The following CRYM variants were observed in gnomAD, a reference collection of about 807,000 sequenced individuals.
The protein encoded by CRYM is ketimine reductase mu-crystallin.
A neutral mutation model predicts 32.9 loss-of-function variants in CRYM; 18 were observed. That is an observed-to-expected ratio of 0.55 (90% CI 0.38 to 0.81). The LOEUF is 0.81. CRYM is among the 30% of genes least tolerant of loss of function. CRYM has a pLI of 0.00. For synonymous variants in CRYM, 153 were observed against 152.4 expected, an observed-to-expected ratio of 1.00 and a Z score of -0.03; for missense variants, 337 against 393.5, an observed-to-expected ratio of 0.86 and a Z score of 1.21.
At chr16:21,288,771 G>GT (rs1567239459) in intron 1 of CRYM, among the ~76,000 whole-genome samples, 1 of 151,980 alleles carries the variant, frequency 6.6e-6, no homozygotes. Flanking sequence ...TTTCTTATAA[G>GT]TTTTGGTATA....
chr16:21,276,554 C>T (rs1013356511), intron 2 of CRYM, among the ~76,000 whole-genome samples: 8 of 152,122 alleles, frequency 5.3e-5, no homozygotes, highest in Non-Finnish European at 8.8e-5. Context: ...GATGTGTGAC[C>T]TCAAGCAAAG....
chr16:21,296,130 G>C (rs1407467296), intron 1 of CRYM, among the ~76,000 whole-genome samples: 1 of 152,116 alleles, frequency 6.6e-6, no homozygotes, highest in Non-Finnish European at 1.5e-5. Flanking sequence ...TAGAGACAGG[G>C]TTTCACCATA....
Position 21,277,940 on chromosome 16 carries a change from C to G in CRYM, c.170+142G>C, listed in dbSNP as rs990093673. On this transcript the variant is annotated intron_variant, in intron 1 of 7. Transcript: ENST00000572914. This position sits in a 1 kb window ranked among gnomAD's most constrained non-coding sequence, Gnocchi z 4.2. ...CCTGTAAAACGCCCACTTAGCACAC[C>G]GGGTAGCGCCTATTAAAAGTGGCAG... The G allele has an allele frequency of 5.2e-6, 5 of 963,298 alleles. No homozygotes were observed. Among genetic ancestry groups the G allele is most frequent in the Non-Finnish European group, 7.6e-6 (5 of 660,972 alleles). The allele number at this position is 963,298 out of a possible 1,614,324, so 59.7% of individuals were successfully genotyped here. A position where few individuals can be genotyped will look rare whatever the true frequency, so the allele number is the denominator to read the frequency against.
chr16:21,269,670 G>A, intron 4 of CRYM, 120 bp downstream of exon 4: 1 of 694,276 alleles, frequency 1.4e-6, no homozygotes, highest in South Asian at 1.8e-5. Context: ...ATACAAGAAT[G>A]GTCTAGATGG....
chr16:21,281,751 A>G (rs117525955), upstream of CRYM, among the ~76,000 whole-genome samples: 2,522 of 152,284 alleles, frequency 0.017, 92 homozygotes, highest in East Asian at 0.08. Context: ...TTGACGTATC[A>G]GGCTGAATTG....
chr16:21,262,426 T>G (rs1270417822), intron 5 of CRYM: 3 of 387,958 alleles, frequency 7.7e-6, no homozygotes, highest in Non-Finnish European at 1.5e-5. Flanking sequence ...GAGACTAGCC[T>G]GGCCAACATG....
At chr16:21,268,944 G>A (rs1197351022) in intron 4 of CRYM, among the ~76,000 whole-genome samples, 1 of 152,060 alleles carries the variant, frequency 6.6e-6, no homozygotes, top group Non-Finnish European at 1.5e-5. Flanking sequence ...AGAAGTTCCA[G>A]ACTAGCCTGG....
At chr16:21,266,498 A>C (rs2093363981) in intron 5 of CRYM, among the ~76,000 whole-genome samples, 1 of 152,168 alleles carries the variant, frequency 6.6e-6, no homozygotes, top group African/African-American at 2.4e-5. Flanking sequence ...CAGAGGCCCC[A>C]GGCACCCTCA....
chr16:21,291,702 C>T (rs1158439179), intron 1 of CRYM, among the ~76,000 whole-genome samples: 2 of 152,052 alleles, frequency 1.3e-5, no homozygotes, highest in African/African-American at 4.8e-5. Flanking sequence ...GCTTATTTGC[C>T]ACATGTGTAT....
At chr16:21,276,381 G>C (rs925105578) in intron 2 of CRYM, among the ~76,000 whole-genome samples, 5 of 152,180 alleles carry the variant, frequency 3.3e-5, no homozygotes, top group African/African-American at 1.2e-4. Flanking sequence ...GTGTAAGTTG[G>C]GGAAAGCTAG....
intron 4 of CRYM, among the ~76,000 whole-genome samples, chr16:21,268,154 C>T (rs1196273066): frequency 1.3e-5 from 2 of 152,180 alleles, no homozygotes; most frequent in African/African-American, 4.8e-5. Flanking sequence ...GTTTCCACAT[C>T]TGTAAAATGG....
intron 4 of CRYM, 31 bp from the exon 5 acceptor site, chr16:21,267,768 C>A: frequency 4.3e-6 from 7 of 1,613,624 alleles, no homozygotes; most frequent in Non-Finnish European, 5.9e-6. Context: ...AGGATATTGG[C>A]GCCATTTTTT....
intron 1 of CRYM, among the ~76,000 whole-genome samples, chr16:21,287,451 C>T (rs1393730491): frequency 6.6e-6 from 1 of 152,118 alleles, no homozygotes; most frequent in East Asian, 1.9e-4. Flanking sequence ...AAAACTTGAC[C>T]ATACGTGAGT....
intron 1 of CRYM, among the ~76,000 whole-genome samples, chr16:21,292,303 T>G (rs574307573): frequency 6.6e-6 from 1 of 152,260 alleles, no homozygotes; most frequent in African/African-American, 2.4e-5. Context: ...TAATATCATT[T>G]TCAAGGCAAT....
At chr16:21,261,914 C>A in intron 6 of CRYM, 123 bp downstream of exon 6, 1 of 1,212,098 alleles carries the variant, frequency 8.3e-7, no homozygotes. Flanking sequence ...GCTCCTTCCC[C>A]TACAAGGAGG....
rs2093388585 is a variant in CRYM at position 21,277,328 on chromosome 16, C to T, written c.324+103G>A. The T allele has an allele frequency of 4.1e-6, 5 of 1,223,730 alleles. No homozygotes were observed. Among genetic ancestry groups the T allele is most frequent in the Admixed American group, 1.9e-5 (1 of 52,748 alleles). The allele number at this position is 1,223,730 out of a possible 1,614,324, so 75.8% of individuals were successfully genotyped here. On this transcript the variant is annotated intron_variant, in intron 2 of 7. Coordinates refer to ENST00000572914, the MANE Select transcript of CRYM (RefSeq NM_001376256.1). The surrounding 1 kb of genome is among the most constrained non-coding windows in gnomAD (Gnocchi z 4.2). ...GTATCCAGTCACTTGCAGAGGGGCA[C>T]GCGTAGTCACAATCAAGACTCCCCC...
At position 21,258,645 on chromosome 16, in the gene CRYM, T is replaced by G; in HGVS notation, c.*136A>C. 1 of 793,126 alleles carries G rather than the reference T, an allele frequency of 1.3e-6. No individual in the cohort carries two copies. The highest frequency in any genetic ancestry group is 2.2e-6 in the Non-Finnish European group (1 of 458,114). The allele number at this position is 793,126 out of a possible 1,614,324, so 49.1% of individuals were successfully genotyped here. On this transcript the variant is annotated 3_prime_UTR_variant, in exon 8 of 8. Transcript: ENST00000572914. ...CCAACTACAAACATAAATGAGGATC[T>G]CAGCATTTAAGGTAAAACATGATAA...
upstream of CRYM, among the ~76,000 whole-genome samples, chr16:21,280,558 A>G (rs567462482): frequency 1.4e-4 from 22 of 152,270 alleles, no homozygotes; most frequent in African/African-American, 5.1e-4. Context: ...TTTAGACACA[A>G]CTGAGCAGCC....
chr16:21,295,281 A>G (rs1960764554), intron 1 of CRYM, among the ~76,000 whole-genome samples: 1 of 152,202 alleles, frequency 6.6e-6, no homozygotes. Flanking sequence ...TTAAATTCTC[A>G]CCAACAGCGT....
Sources: gnomAD v4.1 joint callset for allele counts (sites outside exome capture counted in the v4.1 genomes callset) on GRCh38, gnomAD v4.1.1 for gene constraint, Gnocchi (gnomAD v3.1) non-coding constraint, MANE v1.5 for transcripts, NCBI Gene and HGNC (gene_info 2026-07-23, HGNC 2026-07-21) for gene names.